The following PSD3 variants were observed in gnomAD, a reference collection of about 807,000 sequenced individuals.
PSD3 encodes the protein pleckstrin and Sec7 domain containing 3, also known as PH and SEC7 domain-containing protein 3.
PSD3 carries 49 observed loss-of-function variants against 105.5 expected under a neutral mutation model. The ratio of observed to expected loss-of-function variants is 0.46; its 90% CI spans 0.37 to 0.59. PSD3 has a LOEUF of 0.59. Ranked by LOEUF, PSD3 falls within the 20% of genes least tolerant of loss-of-function variation. The probability of loss-of-function intolerance (pLI) is 0.00; values close to 1 mark genes in which losing one functional copy is unlikely to be tolerated. For missense variants in PSD3, 1,561 were observed against 1,263.8 expected, an observed-to-expected ratio of 1.24 and a Z score of -3.57; for synonymous variants, 557 against 457.8, an observed-to-expected ratio of 1.22 and a Z score of -2.77.
chr8:18,967,435 C>T (rs570874978), intron 1 of PSD3, among the ~76,000 whole-genome samples: 180 of 152,164 alleles, frequency 1.2e-3, no homozygotes, highest in Non-Finnish European at 2.3e-3. Context: ...TGAGCCACCG[C>T]GCCTGGCCAG....
Position 18,804,881 on chromosome 8 carries a change from G to C in PSD3, c.1652C>G (p.Thr551Arg), listed in dbSNP as rs542281157. Reference sequence around the variant, plus strand: ...TTCAGAATGAGCTTCTAGCCGTGTTGTTTTCACCCCAGCATTGCTATGATA... The same window carrying C: ...TTCAGAATGAGCTTCTAGCCGTGTTCTTTTCACCCCAGCATTGCTATGATA... ...AFWGSNAGVKTTRLEAHSEMG... is the reference protein window; with the variant it reads ...AFWGSNAGVKRTRLEAHSEMG... The change falls in exon 5 of 16, where the codon ACA becomes AGA. Residue 551 changes from threonine (T) to arginine (R), a missense_variant. Coordinates refer to ENST00000327040, the MANE Select transcript of PSD3 (RefSeq NM_015310.4). The C allele has an allele frequency of 1.7e-5, 27 of 1,610,734 alleles. No individual in the cohort carries two copies. The East Asian group carries it at 5.3e-4, about 32-fold the overall frequency.
At chr8:18,964,115 C>T (rs1007806103) in intron 1 of PSD3, among the ~76,000 whole-genome samples, 2 of 151,792 alleles carry the variant, frequency 1.3e-5, no homozygotes, top group African/African-American at 4.9e-5. Context: ...ATGAATAACT[C>T]GGGTTTTTTT....
At chr8:18,566,398 C>T (rs1047672011) in intron 14 of PSD3, among the ~76,000 whole-genome samples, 3 of 151,602 alleles carry the variant, frequency 2.0e-5, no homozygotes, top group East Asian at 1.9e-4. Context: ...TGGTGGCGGG[C>T]GCCTGTAATC....
At chr8:19,055,347 A>G (rs924833888) in intron 1 of PSD3, among the ~76,000 whole-genome samples, 8 of 151,964 alleles carry the variant, frequency 5.3e-5, no homozygotes, top group African/African-American at 1.7e-4. Flanking sequence ...TCCACCTCCC[A>G]GGTTCAAGTG....
chr8:18,847,783 G>A (rs996345537), intron 4 of PSD3, among the ~76,000 whole-genome samples: 13 of 152,140 alleles, frequency 8.5e-5, no homozygotes, highest in African/African-American at 2.7e-4. Context: ...TGTGGCACCC[G>A]CAAACACAAG....
chr8:18,702,048 T>A (rs530425065), intron 9 of PSD3, among the ~76,000 whole-genome samples: 18 of 152,304 alleles, frequency 1.2e-4, no homozygotes, highest in African/African-American at 4.3e-4. Flanking sequence ...GCATTTTACT[T>A]CCCAAGGCAG....
intron 9 of PSD3, among the ~76,000 whole-genome samples, chr8:18,702,362 G>A (rs1350364334): frequency 6.6e-6 from 1 of 152,026 alleles, no homozygotes; most frequent in East Asian, 1.9e-4. Flanking sequence ...GTTATGAGAT[G>A]GAAATCATGT....
At chr8:18,568,722 A>G (rs1370436891) in intron 14 of PSD3, among the ~76,000 whole-genome samples, 2 of 149,152 alleles carry the variant, frequency 1.3e-5, no homozygotes, top group African/African-American at 2.5e-5. Context: ...TTTTTTTATT[A>G]TACTTTAAGT....
intron 15 of PSD3, among the ~76,000 whole-genome samples, chr8:18,550,944 T>G (rs939043429): frequency 1.3e-5 from 2 of 152,358 alleles, no homozygotes; most frequent in East Asian, 3.9e-4. Context: ...ATTGAGACTT[T>G]TGCTACTAAT....
intron 1 of PSD3, among the ~76,000 whole-genome samples, chr8:19,050,915 C>T (rs529141205): frequency 5.3e-5 from 8 of 152,252 alleles, no homozygotes; most frequent in Non-Finnish European, 1.0e-4. Flanking sequence ...CACTCACATT[C>T]TCTCCCAACT....
chr8:18,944,828 C>A (rs1302282647), intron 1 of PSD3, among the ~76,000 whole-genome samples: 1 of 152,134 alleles, frequency 6.6e-6, no homozygotes, highest in Admixed American at 6.5e-5. Flanking sequence ...TTCAAGTTGG[C>A]TTCTGTGTCT....
rs567860927 is a variant in PSD3 at position 18,575,293 on chromosome 8, T to C, written c.2482-8A>G. 8 of 1,550,182 alleles carry C rather than the reference T, an allele frequency of 5.2e-6. No homozygotes were observed. The highest frequency in any genetic ancestry group is 2.0e-5 in the Admixed American group (1 of 50,010). On this transcript the variant is annotated splice_region_variant and splice_polypyrimidine_tract_variant and intron_variant, in intron 12 of 15. Transcript: ENST00000327040. Reference sequence around the variant, plus strand: ...TTCTGGCTTGTATTCATCCTATAGATGGACACAAAGAAAATAAAGGCAAAA... The same window carrying C: ...TTCTGGCTTGTATTCATCCTATAGACGGACACAAAGAAAATAAAGGCAAAA...
At chr8:18,536,173 G>C (rs10107551) in intron 15 of PSD3, among the ~76,000 whole-genome samples, 10,538 of 152,226 alleles carry the variant, frequency 0.069, 992 homozygotes, top group African/African-American at 0.21. Flanking sequence ...TAGAATTTTA[G>C]TTCTCATTTG....
At position 18,867,880 on chromosome 8, in the gene PSD3, C is replaced by T; in HGVS notation, c.1428G>A (p.Met476Ile). 1.2e-6 allele frequency: 2 copies of T among 1,614,140 alleles called. No individual in the cohort carries two copies. The highest frequency in any genetic ancestry group is 1.7e-6 in the Non-Finnish European group (2 of 1,179,998). Reference sequence around the variant, plus strand: ...GCTGTTGTATCATTGGAGTGAGGGGCATTTCAAAGCTAAAATAGCTATCAG... The same window carrying T: ...GCTGTTGTATCATTGGAGTGAGGGGTATTTCAAAGCTAAAATAGCTATCAG... ...SEPDSYFSFE[M>I]PLTPMIQQRI... The change falls in exon 4 of 16, where the codon ATG becomes ATA. Residue 476 changes from methionine to isoleucine, a missense_variant. Physicochemically the swap from Met to Ile is conservative, Grantham distance 10. Transcript: ENST00000327040.
At chr8:18,881,811 A>T (rs1394970509) in intron 2 of PSD3, among the ~76,000 whole-genome samples, 1 of 152,242 alleles carries the variant, frequency 6.6e-6, no homozygotes, top group Non-Finnish European at 1.5e-5. Flanking sequence ...TGCTTTCTTT[A>T]CAATTATATC....
Position 18,949,501 on chromosome 8 carries a change from A to C in PSD3, c.22-13359T>G, listed in dbSNP as rs116357810. Among the ~76,000 whole-genome samples the C allele has an allele frequency of 8.1e-3, 1,225 of 152,018 alleles. 12 individuals carry two copies. The highest frequency in any genetic ancestry group is 0.028 in the African/African-American group (1,181 of 41,462). ...TTTAAAATAATATAATCATTGCATT[A>C]ATTTCTGTAAGAAATACATGTCCCA... On this transcript the variant is annotated intron_variant, in intron 1 of 15. Coordinates refer to ENST00000327040, the MANE Select transcript of PSD3 (RefSeq NM_015310.4).
chr8:18,607,263 C>A (rs1353270214), intron 11 of PSD3, among the ~76,000 whole-genome samples: 1 of 152,162 alleles, frequency 6.6e-6, no homozygotes, highest in Non-Finnish European at 1.5e-5. Context: ...CTCAGGTGCT[C>A]CCAGCTCCAC....
At chr8:18,800,965 G>A (rs1267547216) in intron 7 of PSD3, 8 of 176,438 alleles carry the variant, frequency 4.5e-5, no homozygotes, top group Non-Finnish European at 9.5e-5. Context: ...CACTAGAGAA[G>A]TGGAAAACAA....
In PSD3 at chr8:18,766,944, C is replaced by A. The variant is rs562196301; in HGVS notation, c.2083-1406G>T. Among the ~76,000 whole-genome samples the A allele has an allele frequency of 5.3e-5, 8 of 152,272 alleles. No individual in the cohort carries two copies. The East Asian group carries it at 1.2e-3, about 22-fold the overall frequency. On this transcript the variant is annotated intron_variant, in intron 8 of 15. Coordinates refer to ENST00000327040, the MANE Select transcript of PSD3 (RefSeq NM_015310.4). ...ATCCCTTTGCACTAGCGGGAGATAC[C>A]AGCTCTACCTTCCAGGGAGATATGC...
Sources: allele counts gnomAD v4.1 joint callset (sites outside exome capture counted in the v4.1 genomes callset), GRCh38; gene constraint gnomAD v4.1.1; transcripts MANE v1.5; gene names NCBI Gene and HGNC (gene_info 2026-07-23, HGNC 2026-07-21).